PNMA8B: variants seen among roughly 807,000 people sequenced by gnomAD.
PNMA8B encodes the protein paraneoplastic antigen-like protein 8B.
For missense variants in PNMA8B, 887 were observed against 885.8 expected, an observed-to-expected ratio of 1.00 and a Z score of -0.02; for synonymous variants, 386 against 394.9, an observed-to-expected ratio of 0.98 and a Z score of 0.27.
chr19:46,495,650 T>A lies in PNMA8B; in HGVS notation c.-185A>T. ...GGGCTCTAGCTGCCTGCTGGCCGGC[T>A]GGACGCAGTGACCTTCCCCCGGGAC... On this transcript the variant is annotated 5_prime_UTR_variant, in exon 1 of 1. Coordinates refer to ENST00000599531, the MANE Select transcript of PNMA8B (RefSeq NM_020709.3). The A allele has an allele frequency of 1.4e-6, 1 of 701,640 alleles. No individual in the cohort carries two copies. The highest frequency in any genetic ancestry group is 2.4e-6 in the Non-Finnish European group (1 of 424,270). The allele number at this position is 701,640 out of a possible 1,614,324, so 43.5% of individuals were successfully genotyped here.
In PNMA8B at chr19:46,494,125, A is replaced by AC. The variant is rs761221819; in HGVS notation, c.1340dup (p.Leu448SerfsTer186). The stretch of plus-strand genomic sequence containing the variant: ...CCAGGAGCGCCACCAGCTCCAGAAG[A>AC]CCCCCTTCGTCCTCACGGTGCTCGC... On this transcript the variant is annotated frameshift_variant, in exon 1 of 1. Coordinates refer to ENST00000599531, the MANE Select transcript of PNMA8B (RefSeq NM_020709.3). LOFTEE classifies it low-confidence loss of function (END_TRUNC). The AC allele has an allele frequency of 5.6e-6, 9 of 1,609,490 alleles. No individual in the cohort carries two copies. Among genetic ancestry groups the AC allele is most frequent in the Admixed American group, 1.7e-5 (1 of 59,840 alleles).
chr19:46,494,606 T>C lies in PNMA8B; in HGVS notation c.860A>G (p.Asn287Ser), dbSNP rs1042094013. 2 of 1,613,976 alleles carry C rather than the reference T, an allele frequency of 1.2e-6. No individual in the cohort carries two copies. The highest frequency in any genetic ancestry group is 1.7e-6 in the Non-Finnish European group (2 of 1,179,862). The change falls in exon 1 of 1, where the codon AAT becomes AGT. Residue 287 changes from asparagine (N) to serine (S), a missense_variant. Transcript: ENST00000599531. Reference protein sequence around the residue: ...SIRLNTKEDKNGVPDLVALLA... With the variant: ...SIRLNTKEDKSGVPDLVALLA... ...CAGGGCCACTAAGTCGGGGACACCA[T>C]TTTTGTCTTCTTTGGTGTTCAAGCG... is the stretch of plus-strand genomic sequence containing the variant.
chr19:46,494,725 T>G lies in PNMA8B; in HGVS notation c.741A>C (p.Glu247Asp). 1 of 1,614,006 alleles carries G rather than the reference T, an allele frequency of 6.2e-7. No individual in the cohort carries two copies. The highest frequency in any genetic ancestry group is 1.1e-5 in the South Asian group (1 of 91,080). ...GAGCCAAGAACTCGCGGGGACCGTC[T>G]TCTTCCCCCTCGGAGTTGCAGGGCG... Reference protein sequence around the residue: ...QWAPCNSEGEEDGPREFLALV... With the variant: ...QWAPCNSEGEDDGPREFLALV... The change falls in exon 1 of 1, where the codon GAA becomes GAC. Residue 247 changes from glutamate to aspartate, a missense_variant. Glu to Asp is a conservative substitution (Grantham distance 45). Transcript: ENST00000599531.
In PNMA8B at chr19:46,492,637, G is replaced by C. The variant is rs73048731; in HGVS notation, c.*921C>G. The C allele has an allele frequency of 1.3e-5, 2 of 152,558 alleles. No individual in the cohort carries two copies. Among genetic ancestry groups the C allele is most frequent in the Admixed American group, 6.5e-5 (1 of 15,292 alleles). 9.5% of individuals were successfully genotyped at this position (152,558 alleles called of 1,614,324 possible). On this transcript the variant is annotated 3_prime_UTR_variant, in exon 1 of 1. Transcript: ENST00000599531. ...TAGTAAGGGCTGCAAGGCCAGCGCTGAGCGGTGGGTCAGCTCCACTGGAGA... is the reference window on the plus strand; with the variant it reads ...TAGTAAGGGCTGCAAGGCCAGCGCTCAGCGGTGGGTCAGCTCCACTGGAGA...
Position 46,493,254 on chromosome 19 carries a change from C to T in PNMA8B, c.*304G>A. Reference sequence around the variant, plus strand: ...TCCACACACACACCCCCTCCGGGGGCAACCCGGGCCCCCAATCCTGGTCCA... The same window carrying T: ...TCCACACACACACCCCCTCCGGGGGTAACCCGGGCCCCCAATCCTGGTCCA... On this transcript the variant is annotated 3_prime_UTR_variant, in exon 1 of 1. Transcript: ENST00000599531. This position sits in a 1 kb window ranked among gnomAD's most constrained non-coding sequence, Gnocchi z 5.3. The T allele has an allele frequency of 3.3e-6, 1 of 304,188 alleles. No homozygotes were observed. 18.8% of individuals were successfully genotyped at this position (304,188 alleles called of 1,614,324 possible). A position where few individuals can be genotyped will look rare whatever the true frequency, so the allele number is the denominator to read the frequency against.
At position 46,495,319 on chromosome 19, in the gene PNMA8B, G is replaced by T; in HGVS notation, c.147C>A (p.Phe49Leu). Residue 49 changes from phenylalanine to leucine, a missense_variant, in exon 1 of 1, where the codon TTC (phenylalanine) becomes TTA (leucine). Transcript: ENST00000599531. ...LQPTLLPLGT[F>L]RLRHMKALMN... ...TCAAAGCCTTCATGTGTCGCAACCT[G>T]AACGTGCCCAGGGGCAGGAGGGTCG... 7.5e-7 allele frequency: 1 copy of T among 1,331,040 alleles called. No individual in the cohort carries two copies. The highest frequency in any genetic ancestry group is 1.1e-6 in the Non-Finnish European group (1 of 921,504). The allele number at this position is 1,331,040 out of a possible 1,614,324, so 82.5% of individuals were successfully genotyped here. A position where few individuals can be genotyped will look rare whatever the true frequency, so the allele number is the denominator to read the frequency against.
Position 46,495,605 on chromosome 19 carries a change from G to T in PNMA8B, c.-140C>A. The T allele has an allele frequency of 8.5e-7, 1 of 1,169,916 alleles. No homozygotes were observed. Among genetic ancestry groups the T allele is most frequent in the Non-Finnish European group, 1.2e-6 (1 of 848,130 alleles). The allele number at this position is 1,169,916 out of a possible 1,614,324, so 72.5% of individuals were successfully genotyped here. Reference sequence around the variant, plus strand: ...GGTTCCGGTGAATGTGGCAAGGCTGGAGTGGGGCTCGGGGCTCGGGGGCTC... The same window carrying T: ...GGTTCCGGTGAATGTGGCAAGGCTGTAGTGGGGCTCGGGGCTCGGGGGCTC... On this transcript the variant is annotated 5_prime_UTR_variant, in exon 1 of 1. Coordinates refer to ENST00000599531, the MANE Select transcript of PNMA8B (RefSeq NM_020709.3).
chr19:46,495,798 C>A lies in PNMA8B; in HGVS notation c.-333G>T, dbSNP rs1970086893. Reference sequence around the variant, plus strand: ...GGCACCGCAGCCAGGTGCAGGGGGGCGGCGCCGAGTGCACCTGGAGAGGCG... The same window carrying A: ...GGCACCGCAGCCAGGTGCAGGGGGGAGGCGCCGAGTGCACCTGGAGAGGCG... On this transcript the variant is annotated 5_prime_UTR_variant, in exon 1 of 1. Transcript: ENST00000599531. 3.9e-6 allele frequency: 1 copy of A among 255,588 alleles called. No homozygotes were observed. Among genetic ancestry groups the A allele is most frequent in the Admixed American group, 5.1e-5 (1 of 19,428 alleles). 15.8% of individuals were successfully genotyped at this position (255,588 alleles called of 1,614,324 possible). A position where few individuals can be genotyped will look rare whatever the true frequency, so the allele number is the denominator to read the frequency against.
Position 46,494,436 on chromosome 19 carries a change from G to A in PNMA8B, c.1030C>T (p.Pro344Ser), listed in dbSNP as rs1970059118. ...AIVAYTDPSDPWAREEMLKIA... is the reference protein window; with the variant it reads ...AIVAYTDPSDSWAREEMLKIA... ...TTCAACATCTCCTCCCGGGCCCAGGGGTCCGACGGGTCGGTATAGGCCACA... is the reference window on the plus strand; with the variant it reads ...TTCAACATCTCCTCCCGGGCCCAGGAGTCCGACGGGTCGGTATAGGCCACA... The change falls in exon 1 of 1, where the codon CCC (proline) becomes TCC (serine). Residue 344 changes from proline (P) to serine (S), a missense_variant. Physicochemically the swap from Pro to Ser is moderately conservative, Grantham distance 74. Transcript: ENST00000599531. 1 of 1,613,970 alleles carries A rather than the reference G, an allele frequency of 6.2e-7. No homozygotes were observed. Among genetic ancestry groups the A allele is most frequent in the Non-Finnish European group, 8.5e-7 (1 of 1,179,908 alleles).
Position 46,494,640 on chromosome 19 carries a change from C to T in PNMA8B, c.826G>A (p.Glu276Lys), listed in dbSNP as rs368602564. The change falls in exon 1 of 1, where the codon GAA becomes AAA. Residue 276 changes from glutamate to lysine, a missense_variant. Coordinates refer to ENST00000599531, the MANE Select transcript of PNMA8B (RefSeq NM_020709.3). ...TCTTTGGTGTTCAAGCGGATGGATT[C>T]GGCCCCAGCTGGCTCCTTCTCTGCC... ...EEAEKEPAGA[E>K]SIRLNTKEDK... 8.1e-6 allele frequency: 13 copies of T among 1,614,020 alleles called. No individual in the cohort carries two copies. The highest frequency in any genetic ancestry group is 1.1e-5 in the Non-Finnish European group (13 of 1,179,890).
chr19:46,494,353 G>C lies in PNMA8B; in HGVS notation c.1113C>G (p.Pro371=), dbSNP rs374965542. 66 of 1,613,232 alleles carry C rather than the reference G, an allele frequency of 4.1e-5. No homozygotes were observed. In the African/African-American group the frequency reaches 6.3e-4, roughly 15 times the overall value. The part of the protein sequence containing the change: ...GWSDEKDKRD[P]LRQVLSVMSK... ...ACATGACGGACAAGACCTGTCGGAGGGGGTCTCGCTTGTCTTTCTCGTCGC... is the reference window on the plus strand; with the variant it reads ...ACATGACGGACAAGACCTGTCGGAGCGGGTCTCGCTTGTCTTTCTCGTCGC... Residue 371 remains proline, a synonymous_variant, in exon 1 of 1, where the codon CCC becomes CCG. Coordinates refer to ENST00000599531, the MANE Select transcript of PNMA8B (RefSeq NM_020709.3).
rs937014522 is a variant in PNMA8B at position 46,492,861 on chromosome 19, T to C, written c.*697A>G. 7 of 153,580 alleles carry C rather than the reference T, an allele frequency of 4.6e-5. No individual in the cohort carries two copies. The highest frequency in any genetic ancestry group is 1.7e-4 in the African/African-American group (7 of 41,420). 9.5% of individuals were successfully genotyped at this position (153,580 alleles called of 1,614,324 possible). On this transcript the variant is annotated 3_prime_UTR_variant, in exon 1 of 1. Transcript: ENST00000599531. Reference sequence around the variant, plus strand: ...TGGCCTTGGCCTGGGGCTGGTTCCTTTGTTATCAGGGGCGCCCCAGTAGGC... The same window carrying C: ...TGGCCTTGGCCTGGGGCTGGTTCCTCTGTTATCAGGGGCGCCCCAGTAGGC...
In PNMA8B at chr19:46,495,192, G is replaced by C; in HGVS notation, c.274C>G (p.Leu92Val). Residue 92 changes from leucine (L) to valine (V), a missense_variant, in exon 1 of 1, where the codon CTG (leucine) becomes GTG (valine). Coordinates refer to ENST00000599531, the MANE Select transcript of PNMA8B (RefSeq NM_020709.3). ...IPGKDGVWRVLWKDRAQDTRV... is the reference protein window; with the variant it reads ...IPGKDGVWRVVWKDRAQDTRV... The stretch of plus-strand genomic sequence containing the variant: ...GTGTCCTGCGCACGGTCCTTCCACA[G>C]AACCCTCCAGACCCCATCCTTGCCT... 1 of 1,613,908 alleles carries C rather than the reference G, an allele frequency of 6.2e-7. No homozygotes were observed. Among genetic ancestry groups the C allele is most frequent in the Non-Finnish European group, 8.5e-7 (1 of 1,179,820 alleles).
Position 46,494,645 on chromosome 19 carries a change from C to A in PNMA8B, c.821G>T (p.Gly274Val). 3 of 1,614,034 alleles carry A rather than the reference C, an allele frequency of 1.9e-6. No homozygotes were observed. The highest frequency in any genetic ancestry group is 1.7e-6 in the Non-Finnish European group (2 of 1,179,896). Residue 274 changes from glycine to valine, a missense_variant, in exon 1 of 1, where the codon GGG becomes GTG. Transcript: ENST00000599531. Reference protein sequence around the residue: ...KKEEAEKEPAGAESIRLNTKE... With the variant: ...KKEEAEKEPAVAESIRLNTKE... ...GGTGTTCAAGCGGATGGATTCGGCC[C>A]CAGCTGGCTCCTTCTCTGCCTCTTC...
In PNMA8B at chr19:46,494,368, T is replaced by C; in HGVS notation, c.1098A>G (p.Lys366=). ...VIESLGWSDE[K]DKRDPLRQVL... is the part of the protein sequence containing the mutation. ...CCTGTCGGAGGGGGTCTCGCTTGTC[T>C]TTCTCGTCGCTCCAGCCCAGCGACT... The change falls in exon 1 of 1, where the codon AAA becomes AAG. Residue 366 remains lysine, a synonymous_variant. Coordinates refer to ENST00000599531, the MANE Select transcript of PNMA8B (RefSeq NM_020709.3). 1 of 1,613,294 alleles carries C rather than the reference T, an allele frequency of 6.2e-7. No individual in the cohort carries two copies. Among genetic ancestry groups the C allele is most frequent in the South Asian group, 1.1e-5 (1 of 91,078 alleles).
chr19:46,495,213 T>G lies in PNMA8B; in HGVS notation c.253A>C (p.Lys85Gln). Reference sequence around the variant, plus strand: ...CACAGAACCCTCCAGACCCCATCCTTGCCTGGGATCTCCCTGGGAATGGCA... The same window carrying G: ...CACAGAACCCTCCAGACCCCATCCTGGCCTGGGATCTCCCTGGGAATGGCA... ...HAAIPREIPGKDGVWRVLWKD... is the reference protein window; with the variant it reads ...HAAIPREIPGQDGVWRVLWKD... Residue 85 changes from lysine (K) to glutamine (Q), a missense_variant, in exon 1 of 1, where the codon AAG becomes CAG. Lys to Gln is a moderately conservative substitution (Grantham distance 53). Transcript: ENST00000599531. 1 of 1,612,524 alleles carries G rather than the reference T, an allele frequency of 6.2e-7. No individual in the cohort carries two copies. The highest frequency in any genetic ancestry group is 8.5e-7 in the Non-Finnish European group (1 of 1,178,544).
Position 46,493,776 on chromosome 19 carries a change from C to A in PNMA8B, c.1690G>T (p.Gly564Cys), listed in dbSNP as rs534649722. 32 of 1,380,768 alleles carry A rather than the reference C, an allele frequency of 2.3e-5. No individual in the cohort carries two copies. Among genetic ancestry groups the A allele is most frequent in the South Asian group, 6.8e-5 (4 of 58,572 alleles). The allele number at this position is 1,380,768 out of a possible 1,614,324, so 85.5% of individuals were successfully genotyped here. A position where few individuals can be genotyped will look rare whatever the true frequency, so the allele number is the denominator to read the frequency against. The change falls in exon 1 of 1, where the codon GGC (glycine) becomes TGC (cysteine). Residue 564 changes from glycine to cysteine, a missense_variant. By Grantham distance (159) the Gly-to-Cys change is radical (BLOSUM62 -3). Transcript: ENST00000599531. This position sits in a 1 kb window ranked among gnomAD's most constrained non-coding sequence, Gnocchi z 5.3. ...GTGACGCCCCGGCCTCGGCCTCGGC[C>A]GCCCGCGCGGGTTTTGCGGGCCCCG... ...ASGARKTRAGGRGRGRGVTPE... is the reference protein window; with the variant it reads ...ASGARKTRAGCRGRGRGVTPE...
In PNMA8B at chr19:46,495,614, T is replaced by G; in HGVS notation, c.-149A>C. The G allele has an allele frequency of 1.0e-6, 1 of 990,844 alleles. No individual in the cohort carries two copies. The highest frequency in any genetic ancestry group is 1.5e-6 in the Non-Finnish European group (1 of 686,832). The allele number at this position is 990,844 out of a possible 1,614,324, so 61.4% of individuals were successfully genotyped here. On this transcript the variant is annotated 5_prime_UTR_variant, in exon 1 of 1. Transcript: ENST00000599531. ...GAATGTGGCAAGGCTGGAGTGGGGC[T>G]CGGGGCTCGGGGGCTCTAGCTGCCT...
In PNMA8B at chr19:46,494,108, G is replaced by A. The variant is rs749404557; in HGVS notation, c.1358C>T (p.Ala453Val). The A allele has an allele frequency of 1.2e-6, 2 of 1,612,220 alleles. No individual in the cohort carries two copies. Among genetic ancestry groups the A allele is most frequent in the South Asian group, 2.2e-5 (2 of 91,078 alleles). ...EDEGGLLELVALLAAQDMAEV... is the reference protein window; with the variant it reads ...EDEGGLLELVVLLAAQDMAEV... The stretch of plus-strand genomic sequence containing the variant: ...CGCCATGTCCTGGGCAGCCAGGAGC[G>A]CCACCAGCTCCAGAAGACCCCCTTC... The change falls in exon 1 of 1, where the codon GCG (alanine) becomes GTG (valine). Residue 453 changes from alanine to valine, a missense_variant. Coordinates refer to ENST00000599531, the MANE Select transcript of PNMA8B (RefSeq NM_020709.3).
Sources: allele counts gnomAD v4.1 joint callset, GRCh38; gene constraint gnomAD v4.1.1; non-coding constraint Gnocchi (gnomAD v3.1); transcripts MANE v1.5; gene names NCBI Gene and HGNC (gene_info 2026-07-23, HGNC 2026-07-21).